Variants in SPIDR observed in about 807,000 individuals in gnomAD.
SPIDR encodes scaffold protein involved in DNA repair, also known as DNA repair-scaffolding protein.
A neutral mutation model predicts 104.6 loss-of-function variants in SPIDR; 93 were observed. The observed-to-expected ratio is 0.89, with a 90% confidence interval of 0.75 to 1.06. The LOEUF is 1.06. SPIDR is among the 50% of genes least tolerant of loss of function. SPIDR has a pLI of 0.00. For synonymous variants in SPIDR, 431 were observed against 416.9 expected (o/e 1.03, Z -0.41); for missense variants, 1,154 against 1,111.2 (o/e 1.04, Z -0.55).
At chr8:47,562,467 G>A (rs192476964) in intron 8 of SPIDR, among the ~76,000 whole-genome samples, 2 of 152,234 alleles carry the variant, frequency 1.3e-5, no homozygotes, top group African/African-American at 4.8e-5. Context: ...TTTGTGAAAG[G>A]ATTTCTCTCT....
chr8:47,608,231 A>G (rs1003217841), intron 10 of SPIDR, among the ~76,000 whole-genome samples: 3 of 152,216 alleles, frequency 2.0e-5, no homozygotes, highest in Non-Finnish European at 2.9e-5. Flanking sequence ...TTTACCTAGC[A>G]TAATATTTTT....
chr8:47,409,396 GA>G (rs1344184447), intron 7 of SPIDR, among the ~76,000 whole-genome samples: 1 of 151,918 alleles, frequency 6.6e-6, no homozygotes, highest in East Asian at 1.9e-4. Context: ...CACATGTCTA[GA>G]AAAGCCTCCT....
At chr8:47,341,611 T>G (rs139337517) in intron 5 of SPIDR, among the ~76,000 whole-genome samples, 10 of 152,250 alleles carry the variant, frequency 6.6e-5, no homozygotes, top group African/African-American at 2.2e-4. Context: ...AAACAGAACT[T>G]TTTTTTCCCT....
At chr8:47,547,015 C>T (rs1251677755) in intron 8 of SPIDR, 3 of 497,410 alleles carry the variant, frequency 6.0e-6, no homozygotes, top group African/African-American at 2.0e-5. Context: ...GTAATGACAC[C>T]AGTTCTTCCC....
intron 10 of SPIDR, among the ~76,000 whole-genome samples, chr8:47,613,444 T>C (rs1353481976): frequency 6.6e-6 from 1 of 152,238 alleles, no homozygotes; most frequent in East Asian, 1.9e-4. Flanking sequence ...ATGAATAATG[T>C]TGCTACGAAC....
chr8:47,385,588 G>A (rs1407272919), intron 5 of SPIDR, among the ~76,000 whole-genome samples: 1 of 152,182 alleles, frequency 6.6e-6, no homozygotes, highest in African/African-American at 2.4e-5. Flanking sequence ...CACTCTTTCT[G>A]TCAGTGGCCA....
intron 8 of SPIDR, among the ~76,000 whole-genome samples, chr8:47,498,030 G>A (rs764173362): frequency 6.6e-6 from 1 of 152,204 alleles, no homozygotes; most frequent in Non-Finnish European, 1.5e-5. Context: ...GAGCGGGTAA[G>A]CAAGGTGAGC....
At chr8:47,549,841 A>G (rs954294288) in intron 8 of SPIDR, among the ~76,000 whole-genome samples, 2 of 152,170 alleles carry the variant, frequency 1.3e-5, no homozygotes, top group African/African-American at 4.8e-5. Context: ...GTCCTTGCCC[A>G]TGCCTATGTC....
At chr8:47,471,337 A>C (rs532306472) in intron 8 of SPIDR, among the ~76,000 whole-genome samples, 1 of 152,060 alleles carries the variant, frequency 6.6e-6, no homozygotes, top group African/African-American at 2.4e-5. Flanking sequence ...AAAAAAAAAA[A>C]AAAAACAGCC....
chr8:47,465,575 A>AT (rs1554716429), intron 8 of SPIDR, among the ~76,000 whole-genome samples: 16 of 152,168 alleles, frequency 1.1e-4, no homozygotes, highest in Non-Finnish European at 2.4e-4. Context: ...TCTACTAAAA[A>AT]TACAAAAAAA....
intron 5 of SPIDR, among the ~76,000 whole-genome samples, chr8:47,308,845 A>G (rs1335966177): frequency 4.6e-5 from 7 of 152,246 alleles, no homozygotes; most frequent in African/African-American, 1.7e-4. Flanking sequence ...TGCATGCACA[A>G]CTGCCTGCCT....
intron 7 of SPIDR, among the ~76,000 whole-genome samples, chr8:47,412,632 T>G (rs1344702028): frequency 6.6e-6 from 1 of 152,258 alleles, no homozygotes; most frequent in African/African-American, 2.4e-5. Flanking sequence ...AACTTGTGAT[T>G]ATTTTATTTC....
chr8:47,604,349 C>T (rs751980933), intron 10 of SPIDR, among the ~76,000 whole-genome samples: 29 of 152,224 alleles, frequency 1.9e-4, no homozygotes, highest in Non-Finnish European at 1.6e-4. Context: ...ATCCCAGGCA[C>T]GCAACCGGCC....
chr8:47,561,205 C>T (rs6987282), intron 8 of SPIDR, among the ~76,000 whole-genome samples: 145,770 of 152,322 alleles, frequency 0.96, 69,745 homozygotes, highest in East Asian at 1. Context: ...GAGACCCAGG[C>T]TGTACTGCCA....
chr8:47,675,884 A>G (rs534821390), intron 11 of SPIDR, among the ~76,000 whole-genome samples: 1 of 152,330 alleles, frequency 6.6e-6, no homozygotes, highest in African/African-American at 2.4e-5. Flanking sequence ...AGTTATGGTA[A>G]CCATCAGGGT....
chr8:47,318,982 G>A (rs1277090815), intron 5 of SPIDR, among the ~76,000 whole-genome samples: 8 of 150,318 alleles, frequency 5.3e-5, no homozygotes, highest in Non-Finnish European at 1.2e-4. Flanking sequence ...ACCAGCCACT[G>A]CAAAAACATG....
chr8:47,413,852 T>C (rs1436555512), intron 7 of SPIDR, among the ~76,000 whole-genome samples: 1 of 152,218 alleles, frequency 6.6e-6, no homozygotes, highest in African/African-American at 2.4e-5. Flanking sequence ...GAGTATATGC[T>C]ATAGATGACT....
intron 5 of SPIDR, among the ~76,000 whole-genome samples, chr8:47,296,955 C>A (rs1331611109): frequency 6.6e-6 from 1 of 152,156 alleles, no homozygotes; most frequent in African/African-American, 2.4e-5. Context: ...CTATTGCCTC[C>A]TTAAATTTAC....
intron 5 of SPIDR, among the ~76,000 whole-genome samples, chr8:47,384,786 G>A (rs1239558461): frequency 2.6e-5 from 4 of 152,046 alleles, no homozygotes; most frequent in Admixed American, 6.6e-5. Flanking sequence ...TTCCATTGCC[G>A]ACTCAAGTCA....
Sources: allele counts gnomAD v4.1 joint callset (sites outside exome capture counted in the v4.1 genomes callset), GRCh38; gene constraint gnomAD v4.1.1; transcripts MANE v1.5; gene names NCBI Gene and HGNC (gene_info 2026-07-23, HGNC 2026-07-21).